Variants in DRICH1 observed in about 807,000 individuals in gnomAD.
The protein encoded by DRICH1 is aspartate rich 1.
DRICH1 carries 38 observed loss-of-function variants against 39.5 expected under a neutral mutation model. The ratio of observed to expected loss-of-function variants is 0.96; its 90% CI spans 0.74 to 1.26. The LOEUF is 1.26. Among genes scored for constraint, DRICH1 ranks in the 50% most tolerant of loss-of-function variants. DRICH1 has a pLI of 0.00. For missense variants in DRICH1, 279 were observed against 270.4 expected (o/e 1.03, Z -0.22); for synonymous variants, 84 against 99.5 (o/e 0.84, Z 0.93).
chr22:23,619,320 G>A (rs1463771543), intron 6 of DRICH1, 44 bp downstream of exon 6: 1 of 779,188 alleles, frequency 1.3e-6, no homozygotes, highest in East Asian at 2.4e-5. Context: ...GGAAGACTCA[G>A]CATGACTAAC....
At chr22:23,595,770 G>C in the DRICH1 span, among the ~76,000 whole-genome samples, 3 of 152,112 alleles carry the variant, frequency 2.0e-5, no homozygotes, top group Non-Finnish European at 4.4e-5. Flanking sequence ...AGGGAGGAAG[G>C]GGGGCATCCA....
At chr22:23,632,483 C>A (rs1271714745), upstream of DRICH1, among the ~76,000 whole-genome samples, 1 of 152,150 alleles carries the variant, frequency 6.6e-6, no homozygotes, top group Non-Finnish European at 1.5e-5. Flanking sequence ...ACCTTGTGGC[C>A]CCCCTGCCCC....
downstream of DRICH1, among the ~76,000 whole-genome samples, chr22:23,605,440 C>T (rs543008650): frequency 2.6e-5 from 4 of 152,300 alleles, no homozygotes; most frequent in East Asian, 5.8e-4. Context: ...ACAACATCAG[C>T]TGGAGCCCAC....
In DRICH1 at chr22:23,624,745, C is replaced by T. The variant is rs1602347658; in HGVS notation, c.298+138G>A. 20 of 1,110,814 alleles carry T rather than the reference C, an allele frequency of 1.8e-5. 1 individual carries two copies. The East Asian group carries it at 2.9e-4, about 16-fold the overall frequency. 68.8% of individuals were successfully genotyped at this position (1,110,814 alleles called of 1,614,324 possible). On this transcript the variant is annotated intron_variant, in intron 3 of 11. Coordinates refer to ENST00000317749, the MANE Select transcript of DRICH1 (RefSeq NM_016449.4). The stretch of plus-strand genomic sequence containing the variant: ...CACACACATTTCTACATCCTCTCTG[C>T]TCATAATTATACACTCGCAGAATCA...
downstream of DRICH1, among the ~76,000 whole-genome samples, chr22:23,604,405 G>T (rs562678100): frequency 6.6e-6 from 1 of 152,282 alleles, no homozygotes; most frequent in South Asian, 2.1e-4. Flanking sequence ...TGTCCTGCAA[G>T]CATCACACTG....
At chr22:23,598,169 C>A in the DRICH1 span, among the ~76,000 whole-genome samples, 1 of 148,234 alleles carries the variant, frequency 6.7e-6, no homozygotes, top group Non-Finnish European at 1.5e-5. Flanking sequence ...CTGGCCAACC[C>A]CTTCACCCAG....
the DRICH1 span, among the ~76,000 whole-genome samples, chr22:23,586,504 A>C: frequency 1.3e-5 from 2 of 152,106 alleles, no homozygotes; most frequent in Non-Finnish European, 2.9e-5. Flanking sequence ...AAAACCAAAA[A>C]ACACCATTAC....
the DRICH1 span, among the ~76,000 whole-genome samples, chr22:23,591,628 C>T: frequency 3.9e-5 from 6 of 152,276 alleles, no homozygotes; most frequent in Admixed American, 3.9e-4. Context: ...GGTTGAGCCT[C>T]AGCCATTGTG....
the DRICH1 span, among the ~76,000 whole-genome samples, chr22:23,596,226 C>G: frequency 1.3e-5 from 2 of 152,120 alleles, no homozygotes; most frequent in Admixed American, 1.3e-4. Context: ...CAGTTCTCCC[C>G]GGGTCCAACC....
At chr22:23,591,620 T>C in the DRICH1 span, among the ~76,000 whole-genome samples, 4 of 152,204 alleles carry the variant, frequency 2.6e-5, no homozygotes, top group African/African-American at 9.6e-5. Context: ...CAAGGGCAGG[T>C]TGAGCCTCAG....
the DRICH1 span, among the ~76,000 whole-genome samples, chr22:23,584,226 C>T: frequency 6.6e-5 from 10 of 152,220 alleles, no homozygotes; most frequent in African/African-American, 2.4e-4. Context: ...CCCTGCTGTC[C>T]TGCTCAGTGC....
chr22:23,618,350 A>G (rs967438690), intron 6 of DRICH1, among the ~76,000 whole-genome samples: 1 of 151,752 alleles, frequency 6.6e-6, no homozygotes, highest in Non-Finnish European at 1.5e-5. Flanking sequence ...TCCTGATCTC[A>G]TGATCCACCC....
downstream of DRICH1, among the ~76,000 whole-genome samples, chr22:23,606,883 G>A (rs1032657458): frequency 6.6e-6 from 1 of 152,206 alleles, no homozygotes; most frequent in African/African-American, 2.4e-5. Context: ...GGCTTCTCAG[G>A]CCCCTGGCCA....
Position 23,632,304 on chromosome 22 carries a change from C to T in DRICH1, c.-281G>A, listed in dbSNP as rs1921009500. 2.1e-6 allele frequency: 1 copy of T among 466,592 alleles called. No homozygotes were observed. The highest frequency in any genetic ancestry group is 3.9e-6 in the Non-Finnish European group (1 of 256,570). 28.9% of individuals were successfully genotyped at this position (466,592 alleles called of 1,614,324 possible). ...GCACAGTTGGAGCTCCTCCTCCCTC[C>T]ACTGCGAGCTACTGACTGAGGGCTG... On this transcript the variant is annotated 5_prime_UTR_variant, in exon 1 of 12. Transcript: ENST00000317749.
At chr22:23,597,303 G>A in the DRICH1 span, among the ~76,000 whole-genome samples, 1 of 149,376 alleles carries the variant, frequency 6.7e-6, no homozygotes, top group South Asian at 2.2e-4. Flanking sequence ...ACCAGCCTGG[G>A]CAACATGGTG....
At chr22:23,595,802 C>A in the DRICH1 span, among the ~76,000 whole-genome samples, 1 of 152,144 alleles carries the variant, frequency 6.6e-6, no homozygotes. Flanking sequence ...CCTCCACTCT[C>A]AGGAAACCCT....
chr22:23,627,068 A>AT (rs141545226), intron 1 of DRICH1, among the ~76,000 whole-genome samples: 1,894 of 127,300 alleles, frequency 0.015, 50 homozygotes, highest in African/African-American at 0.049. Context: ...TGAGGTTCTG[A>AT]TTTTTTTTTT....
intron 11 of DRICH1, 103 bp from the exon 12 acceptor site, chr22:23,608,871 C>CAGAGG: frequency 1.6e-6 from 2 of 1,259,236 alleles, no homozygotes; most frequent in Non-Finnish European, 2.3e-6. Context: ...CCCTGGGCTC[C>CAGAGG]CGCCTCTGCA....
At position 23,613,263 on chromosome 22, in the gene DRICH1, G is replaced by T. The variant is rs1275790690; in HGVS notation, c.685+26C>A. ...GCTCCTGGGAACCTTTTCCCATTGGGTTTTTGCTGGCACGTAGTTCCCTAC... is the reference window on the plus strand; with the variant it reads ...GCTCCTGGGAACCTTTTCCCATTGGTTTTTTGCTGGCACGTAGTTCCCTAC... On this transcript the variant is annotated intron_variant, in intron 11 of 11. Coordinates refer to ENST00000317749, the MANE Select transcript of DRICH1 (RefSeq NM_016449.4). The T allele has an allele frequency of 1.9e-6, 3 of 1,601,460 alleles. No individual in the cohort carries two copies. In the African/African-American group the frequency reaches 4.0e-5, roughly 21 times the overall value.
Sources: allele counts gnomAD v4.1 joint callset (sites outside exome capture counted in the v4.1 genomes callset), GRCh38; gene constraint gnomAD v4.1.1; transcripts MANE v1.5; gene names NCBI Gene and HGNC (gene_info 2026-07-23, HGNC 2026-07-21).